The following DYRK1A variants were observed in gnomAD, a reference collection of about 807,000 sequenced individuals.
DYRK1A encodes the protein dual specificity tyrosine phosphorylation regulated kinase 1A.
DYRK1A carries 9 observed loss-of-function variants against 79.7 expected under a neutral mutation model. That is an observed-to-expected ratio of 0.11 (90% confidence interval 0.07 to 0.20). The LOEUF (loss-of-function observed/expected upper bound fraction) is 0.20, where lower values mean the gene tolerates loss of function less well. DYRK1A is among the 10% of genes least tolerant of loss of function. The probability of loss-of-function intolerance (pLI) is 1.00; values close to 1 mark genes in which losing one functional copy is unlikely to be tolerated. For synonymous variants in DYRK1A, 349 were observed against 329.7 expected (o/e 1.06, Z -0.63); for missense variants, 622 against 956.0 (o/e 0.65, Z 4.61).
At position 37,375,599 on chromosome 21, in the gene DYRK1A, C is replaced by G. The variant is rs2049523095; in HGVS notation, c.-77+7971C>G. On this transcript the variant is annotated intron_variant, in intron 1 of 11. Transcript: ENST00000647188. The stretch of plus-strand genomic sequence containing the variant: ...GGAGTGCAGTGGCACAATTTCGGCT[C>G]ACTGCAACCTCCGCCTTCCGGGTTC... 2.2e-5 allele frequency among the ~76,000 whole-genome samples: 3 copies of G among 136,040 alleles called. No individual in the cohort carries two copies. In the South Asian group the frequency reaches 7.1e-4, roughly 32 times the overall value. 89.2% of individuals were successfully genotyped at this position (136,040 alleles called of 152,430 possible).
chr21:37,501,165 G>GGTTTTTTTTTTT (rs2053433524), intron 9 of DYRK1A, among the ~76,000 whole-genome samples: 1 of 112,990 alleles, frequency 8.9e-6, no homozygotes, highest in African/African-American at 3.8e-5. Flanking sequence ...TGTTGTTGTT[G>GGTTTTTTTTTTT]GTTTTTTTTT....
At chr21:37,467,320 C>T (rs574630065) in intron 2 of DYRK1A, among the ~76,000 whole-genome samples, 2 of 152,324 alleles carry the variant, frequency 1.3e-5, no homozygotes, top group Non-Finnish European at 2.9e-5. Context: ...CCCTCCTCCT[C>T]CTGGGCCCAG....
intron 1 of DYRK1A, among the ~76,000 whole-genome samples, chr21:37,409,951 T>A (rs1316274353): frequency 6.6e-6 from 1 of 152,236 alleles, no homozygotes; most frequent in Non-Finnish European, 1.5e-5. Flanking sequence ...TTTTTAATGA[T>A]AAACTTTTGT....
At position 37,512,421 on chromosome 21, in the gene DYRK1A, C is replaced by G; in HGVS notation, c.2155C>G (p.Pro719Ala). ...PTYQFSANTG[P>A]AHYMTEGHLT... Reference sequence around the variant, plus strand: ...ATACCAATTTTCTGCTAATACAGGTCCTGCACATTACATGACTGAAGGACA... The same window carrying G: ...ATACCAATTTTCTGCTAATACAGGTGCTGCACATTACATGACTGAAGGACA... Residue 719 changes from proline to alanine, a missense_variant, in exon 12 of 12, where the codon CCT becomes GCT. This residue lies in a region of DYRK1A where 292 missense variants were observed against 316.7 expected (regional missense o/e 0.92). Transcript: ENST00000647188. 6.2e-7 allele frequency: 1 copy of G among 1,614,232 alleles called. No individual in the cohort carries two copies. The highest frequency in any genetic ancestry group is 8.5e-7 in the Non-Finnish European group (1 of 1,180,050).
chr21:37,428,081 G>T (rs747578217), intron 2 of DYRK1A, among the ~76,000 whole-genome samples: 1 of 152,024 alleles, frequency 6.6e-6, no homozygotes, highest in African/African-American at 2.4e-5. Flanking sequence ...ACAGAGGTTC[G>T]GTAGCCTGCC....
At chr21:37,488,308 AT>A in intron 6 of DYRK1A, 2 of 962,232 alleles carry the variant, frequency 2.1e-6, no homozygotes, top group Non-Finnish European at 2.5e-6. Context: ...AGAACTTTAG[AT>A]TAGACAAGTT....
intron 2 of DYRK1A, among the ~76,000 whole-genome samples, chr21:37,442,604 T>G (rs1282869402): frequency 6.6e-6 from 1 of 152,186 alleles, no homozygotes; most frequent in Non-Finnish European, 1.5e-5. Flanking sequence ...CTTTCTTTTT[T>G]TAAAATAGAG....
rs1265320420 is a variant in DYRK1A, at chr21:37,367,009, T to A, written c.-696T>A. 6.1e-6 allele frequency: 1 copy of A among 164,188 alleles called. No individual in the cohort carries two copies. The highest frequency in any genetic ancestry group is 2.4e-5 in the African/African-American group (1 of 41,400). The allele number at this position is 164,188 out of a possible 1,614,324, so 10.2% of individuals were successfully genotyped here. Reference sequence around the variant, plus strand: ...GCGCCGCCGCCGCCGCTTCTGCTGCTGCTGTTCCTGCTGCTGCTGTTGGTG... The same window carrying A: ...GCGCCGCCGCCGCCGCTTCTGCTGCAGCTGTTCCTGCTGCTGCTGTTGGTG... On this transcript the variant is annotated 5_prime_UTR_variant, in exon 1 of 12. Coordinates refer to ENST00000647188, the MANE Select transcript of DYRK1A (RefSeq NM_001347721.2).
chr21:37,371,983 A>G (rs752983719), intron 1 of DYRK1A, among the ~76,000 whole-genome samples: 3 of 152,154 alleles, frequency 2.0e-5, no homozygotes, highest in African/African-American at 4.8e-5. Context: ...ATCATTATCT[A>G]TATTATTTGA....
chr21:37,499,385 T>A (rs1360982247), intron 9 of DYRK1A, among the ~76,000 whole-genome samples: 1 of 152,234 alleles, frequency 6.6e-6, no homozygotes, highest in Non-Finnish European at 1.5e-5. Context: ...TACTTTACCC[T>A]GTTGATATGT....
chr21:37,462,660 A>G (rs1358880714), intron 2 of DYRK1A, among the ~76,000 whole-genome samples: 3 of 152,032 alleles, frequency 2.0e-5, no homozygotes, highest in Non-Finnish European at 4.4e-5. Flanking sequence ...TCTTTTTGTT[A>G]CCTGCTGCAC....
At chr21:37,368,411 C>T (rs2049361475) in intron 1 of DYRK1A, among the ~76,000 whole-genome samples, 1 of 152,194 alleles carries the variant, frequency 6.6e-6, no homozygotes, top group South Asian at 2.1e-4. Flanking sequence ...GCGAAAGGCT[C>T]CTCCCTAATC....
intron 1 of DYRK1A, among the ~76,000 whole-genome samples, chr21:37,371,147 T>C (rs11701386): frequency 0.075 from 11,488 of 152,266 alleles, 648 homozygotes; most frequent in Non-Finnish European, 0.11. Context: ...TGAAGAAAGC[T>C]TTTTGAAATC....
At chr21:37,484,385 A>G (rs973693592) in intron 5 of DYRK1A, among the ~76,000 whole-genome samples, 9 of 150,060 alleles carry the variant, frequency 6.0e-5, no homozygotes, top group African/African-American at 1.7e-4. Context: ...CTGGAGTGCA[A>G]TGGTGTGATC....
intron 1 of DYRK1A, among the ~76,000 whole-genome samples, chr21:37,376,130 C>T (rs918357835): frequency 7.2e-5 from 11 of 152,022 alleles, no homozygotes; most frequent in African/African-American, 2.7e-4. Flanking sequence ...AGGTGTCAGT[C>T]CAGAAATCAG....
In DYRK1A at chr21:37,420,390, T is replaced by G. The variant is rs1057522660; in HGVS notation, c.10+6T>G. The G allele has an allele frequency of 5.0e-6, 8 of 1,611,466 alleles. No individual in the cohort carries two copies. The Admixed American group carries it at 1.3e-4, about 27-fold the overall frequency. On this transcript the variant is annotated splice_donor_region_variant and intron_variant, in intron 2 of 11. Coordinates refer to ENST00000647188, the MANE Select transcript of DYRK1A (RefSeq NM_001347721.2). ...AAAGAAGACGATGCATACAGGTGAC[T>G]CAAGTTTTGAAATACAGTAAAACTC...
intron 6 of DYRK1A, chr21:37,488,584 A>G (rs762222731): frequency 8.1e-6 from 8 of 985,322 alleles, no homozygotes; most frequent in Non-Finnish European, 9.6e-6. Context: ...ATTCTCCCCA[A>G]AATTTGGTTA....
chr21:37,489,036 C>G (rs904036947), intron 6 of DYRK1A, among the ~76,000 whole-genome samples: 3 of 152,200 alleles, frequency 2.0e-5, no homozygotes, highest in African/African-American at 7.2e-5. Flanking sequence ...CTTATTCTAA[C>G]TTTAGATCAC....
In DYRK1A at chr21:37,515,324, C is replaced by A. The variant is rs950929369; in HGVS notation, c.*2793C>A. 6.6e-6 allele frequency: 1 copy of A among 152,624 alleles called. No homozygotes were observed. The highest frequency in any genetic ancestry group is 2.4e-5 in the African/African-American group (1 of 41,444). 9.5% of individuals were successfully genotyped at this position (152,624 alleles called of 1,614,324 possible). ...TGTAAAAAGGAAACTATTTGAGATA[C>A]ATTGACATAGGCATCAGCAATCTCT... On this transcript the variant is annotated 3_prime_UTR_variant, in exon 12 of 12. Transcript: ENST00000647188.
Sources: gnomAD v4.1 joint callset for allele counts (sites outside exome capture counted in the v4.1 genomes callset) on GRCh38, gnomAD v4.1.1 for gene constraint, gnomAD v4.1.1 regional missense constraint, MANE v1.5 for transcripts, NCBI Gene and HGNC (gene_info 2026-07-23, HGNC 2026-07-21) for gene names.